ZNF837: variants seen among roughly 807,000 people sequenced by gnomAD.
ZNF837 encodes zinc finger protein 837.
For synonymous variants in ZNF837, 475 were observed against 365.2 expected, an observed-to-expected ratio of 1.30 and a Z score of -3.43; for missense variants, 955 against 801.7, an observed-to-expected ratio of 1.19 and a Z score of -2.31.
chr19:58,374,741 C>A (rs1250874030), intron 1 of ZNF837, among the ~76,000 whole-genome samples: 3 of 152,092 alleles, frequency 2.0e-5, no homozygotes, highest in African/African-American at 7.2e-5. Context: ...CGAGACCAGC[C>A]TGGCCAAAAT....
At chr19:58,376,077 C>A (rs2052242819) in intron 1 of ZNF837, among the ~76,000 whole-genome samples, 1 of 151,868 alleles carries the variant, frequency 6.6e-6, no homozygotes. Context: ...TGCCCCCACG[C>A]CCAGCTAATT....
At chr19:58,376,876 T>TA (rs959456705) in intron 1 of ZNF837, among the ~76,000 whole-genome samples, 17 of 150,590 alleles carry the variant, frequency 1.1e-4, no homozygotes, top group African/African-American at 4.2e-4. Flanking sequence ...GCCCAGGAGT[T>TA]AGAGACCAGC....
At chr19:58,375,299 TATATATATATATAA>T (rs1278588946) in intron 1 of ZNF837, among the ~76,000 whole-genome samples, 3,749 of 95,194 alleles carry the variant, frequency 0.039, 280 homozygotes, top group Non-Finnish European at 0.056. Context: ...TATATATATA[TATATATATATATAA>T]AATTACATAT....
In ZNF837 at chr19:58,367,805, G is replaced by T. The variant is rs866885900; in HGVS notation, c.1528C>A (p.Arg510Ser). ...AGGTTGGAGCGTTGGCTGAAGGCGC[G>T]GCCGCAATCTCCGCACGCGTAGGGC... ...ERPYACGDCG[R>S]AFSQRSNLNE... The change falls in exon 3 of 3, where the codon CGC becomes AGC. Residue 510 changes from arginine (R) to serine (S), a missense_variant. Coordinates refer to ENST00000597582, the MANE Select transcript of ZNF837 (RefSeq NM_138466.2). 6.5e-7 allele frequency: 1 copy of T among 1,536,430 alleles called. No individual in the cohort carries two copies. The highest frequency in any genetic ancestry group is 8.7e-7 in the Non-Finnish European group (1 of 1,145,826).
chr19:58,376,268 C>A lies in ZNF837; in HGVS notation c.-140+4673G>T, dbSNP rs146306720. On this transcript the variant is annotated intron_variant, in intron 1 of 2. Coordinates refer to ENST00000597582, the MANE Select transcript of ZNF837 (RefSeq NM_138466.2). ...ACATTTGTATTGAGAAAAACAAGTT[C>A]TTGGCCGGGCGCGGTGGCTCACGCC... 4.1e-3 allele frequency among the ~76,000 whole-genome samples: 624 copies of A among 152,132 alleles called. 6 individuals are homozygous for A. Among genetic ancestry groups the A allele is most frequent in the African/African-American group, 0.015 (607 of 41,550 alleles).
intron 1 of ZNF837, among the ~76,000 whole-genome samples, chr19:58,372,831 G>A (rs1162039564): frequency 2.0e-5 from 3 of 152,236 alleles, no homozygotes; most frequent in Admixed American, 2.0e-4. Flanking sequence ...AAAATGCAGA[G>A]TTGGACAAGT....
At chr19:58,369,392 C>T in intron 2 of ZNF837, 31 bp from the exon 3 acceptor site, 3 of 1,314,882 alleles carry the variant, frequency 2.3e-6, no homozygotes, top group Non-Finnish European at 1.9e-6. Flanking sequence ...TGGAGGTTGG[C>T]GGTTCCCAGG....
chr19:58,376,668 C>T (rs1208310041), intron 1 of ZNF837, among the ~76,000 whole-genome samples: 3 of 150,698 alleles, frequency 2.0e-5, no homozygotes, highest in African/African-American at 2.4e-5. Flanking sequence ...AATAATTTCT[C>T]ACACACAGCC....
chr19:58,376,574 A>G (rs1275064100), intron 1 of ZNF837, among the ~76,000 whole-genome samples: 4 of 117,000 alleles, frequency 3.4e-5, no homozygotes, highest in African/African-American at 1.3e-4. Context: ...AAAAAAAAAA[A>G]AAAAAAAAAA....
At chr19:58,379,215 G>C (rs190816521) in intron 1 of ZNF837, among the ~76,000 whole-genome samples, 71 of 152,272 alleles carry the variant, frequency 4.7e-4, no homozygotes, top group African/African-American at 9.1e-4. Context: ...TCCCCACTTG[G>C]CAGAAAGGGA....
chr19:58,373,704 C>A (rs1282720677), intron 1 of ZNF837, among the ~76,000 whole-genome samples: 2 of 152,192 alleles, frequency 1.3e-5, no homozygotes, highest in East Asian at 3.8e-4. Flanking sequence ...CAGGCCTCAC[C>A]TGCTCATGGG....
intron 1 of ZNF837, among the ~76,000 whole-genome samples, chr19:58,371,436 C>T (rs2052201281): frequency 2.0e-5 from 3 of 152,042 alleles, no homozygotes; most frequent in African/African-American, 7.2e-5. Flanking sequence ...AAATATTTTC[C>T]TCATTGTGAT....
In ZNF837 at chr19:58,368,106, G is replaced by C; in HGVS notation, c.1227C>G (p.His409Gln). 6.4e-7 allele frequency: 1 copy of C among 1,567,540 alleles called. No individual in the cohort carries two copies. Among genetic ancestry groups the C allele is most frequent in the Non-Finnish European group, 8.6e-7 (1 of 1,159,050 alleles). The change falls in exon 3 of 3, where the codon CAC becomes CAG. Residue 409 changes from histidine to glutamine, a missense_variant. Transcript: ENST00000597582. The part of the protein sequence containing the change: ...AFNQRSNLSR[H>Q]QRTHSSAKPY... ...GCTTGGCGCTGCTGTGAGTGCGCTG[G>C]TGCCGGCTCAGGTTCGAGCGCTGGT...
chr19:58,376,377 C>T (rs957808141), intron 1 of ZNF837, among the ~76,000 whole-genome samples: 4 of 150,568 alleles, frequency 2.7e-5, no homozygotes, highest in Non-Finnish European at 5.9e-5. Flanking sequence ...ACGGTGAAAC[C>T]CCATCTCTAC....
In ZNF837 at chr19:58,367,830, C is replaced by A; in HGVS notation, c.1503G>T (p.Arg501=). ...GGCCGCAATCTCCGCACGCGTAGGG[C>A]CGCTCGCCCGTGTGCGTGCGCAGGT... is the stretch of plus-strand genomic sequence containing the variant. ...VRHLRTHTGE[R]PYACGDCGRA... Residue 501 remains arginine (R), a synonymous_variant, in exon 3 of 3, where the codon CGG becomes CGT. Transcript: ENST00000597582. 6.5e-7 allele frequency: 1 copy of A among 1,536,078 alleles called. No individual in the cohort carries two copies. Among genetic ancestry groups the A allele is most frequent in the Non-Finnish European group, 8.7e-7 (1 of 1,145,054 alleles).
intron 1 of ZNF837, among the ~76,000 whole-genome samples, chr19:58,379,131 G>A (rs1356797842): frequency 6.6e-6 from 1 of 152,244 alleles, no homozygotes; most frequent in Non-Finnish European, 1.5e-5. Flanking sequence ...GATCCCTAGT[G>A]ATGGGGAGTC....
rs1346787151 is a variant in ZNF837 at position 58,368,347 on chromosome 19, C to T, written c.986G>A (p.Gly329Asp). ...GAAGGCGCGCCGCGCCAGGACGGGG[C>T]CACGCCGGTGGCGCTCGGCCGAGTG... ...KTHSAERHRR[G>D]PVLARRAFRL... is the part of the protein sequence containing the mutation. The change falls in exon 3 of 3, where the codon GGC becomes GAC. Residue 329 changes from glycine to aspartate, a missense_variant. Transcript: ENST00000597582. 6 of 1,525,888 alleles carry T rather than the reference C, an allele frequency of 3.9e-6. No individual in the cohort carries two copies. The highest frequency in any genetic ancestry group is 5.3e-6 in the Non-Finnish European group (6 of 1,141,682). The allele number at this position is 1,525,888 out of a possible 1,614,324, so 94.5% of individuals were successfully genotyped here.
chr19:58,379,622 G>A lies in ZNF837; in HGVS notation c.-140+1319C>T, dbSNP rs2052274326. Among the ~76,000 whole-genome samples the A allele has an allele frequency of 1.3e-5, 2 of 152,350 alleles. 1 individual carries two copies. Among genetic ancestry groups the A allele is most frequent in the South Asian group, 4.1e-4 (2 of 4,830 alleles). The stretch of plus-strand genomic sequence containing the variant: ...GCCCCAGGTGAGCATGCTTGCACCT[G>A]GGTGCTCGCCCAGCCTTTCTAGTTG... On this transcript the variant is annotated intron_variant, in intron 1 of 2. Transcript: ENST00000597582.
chr19:58,368,404 C>A lies in ZNF837; in HGVS notation c.929G>T (p.Arg310Leu). ...ECAECGKAFV[R>L]CSGLYRHQKT... Reference sequence around the variant, plus strand: ...CTGGTGGCGGTACAGGCCGGAGCAGCGCACGAAGGCCTTGCCGCACTCGGC... The same window carrying A: ...CTGGTGGCGGTACAGGCCGGAGCAGAGCACGAAGGCCTTGCCGCACTCGGC... Residue 310 changes from arginine to leucine, a missense_variant, in exon 3 of 3, where the codon CGC (arginine) becomes CTC (leucine). By Grantham distance (102) the Arg-to-Leu change is moderately radical. Coordinates refer to ENST00000597582, the MANE Select transcript of ZNF837 (RefSeq NM_138466.2). 1 of 1,536,618 alleles carries A rather than the reference C, an allele frequency of 6.5e-7. No individual in the cohort carries two copies. The highest frequency in any genetic ancestry group is 8.7e-7 in the Non-Finnish European group (1 of 1,144,614).
Sources: allele counts gnomAD v4.1 joint callset (sites outside exome capture counted in the v4.1 genomes callset), GRCh38; gene constraint gnomAD v4.1.1; transcripts MANE v1.5; gene names NCBI Gene and HGNC (gene_info 2026-07-23, HGNC 2026-07-21).